The following ZNF521 variants were observed in gnomAD, a reference collection of about 807,000 sequenced individuals.
The protein encoded by ZNF521 is LYST-interacting protein 3.
Under a neutral mutation model 105.5 loss-of-function variants are expected in ZNF521, and 14 were observed. The observed-to-expected ratio is 0.13, with a 90% CI of 0.09 to 0.21. ZNF521 has a LOEUF of 0.21. Ranked by LOEUF, ZNF521 falls within the 10% of genes least tolerant of loss-of-function variation. The pLI is 1.00. For missense variants in ZNF521, 1,233 were observed against 1,629.7 expected (o/e 0.76, Z 4.19); for synonymous variants, 635 against 606.0 (o/e 1.05, Z -0.70).
chr18:25,351,954 G>A (rs1343345024), intron 1 of ZNF521, 51 bp downstream of exon 1: 6 of 336,086 alleles, frequency 1.8e-5, no homozygotes, highest in Non-Finnish European at 3.7e-5. Context: ...GGAGAGCCGG[G>A]AGCAGGAGGA....
At chr18:25,200,358 A>C (rs1261189932) in intron 4 of ZNF521, among the ~76,000 whole-genome samples, 1 of 150,530 alleles carries the variant, frequency 6.6e-6, no homozygotes. Flanking sequence ...CCTTTAGTCT[A>C]TTTCAAGATT....
intron 2 of ZNF521, among the ~76,000 whole-genome samples, chr18:25,349,834 G>T (rs1173782371): frequency 1.0e-4 from 15 of 150,022 alleles, no homozygotes; most frequent in Non-Finnish European, 2.1e-4. Context: ...CCTCCGGGTC[G>T]CGGGGGCCGC....
intron 2 of ZNF521, among the ~76,000 whole-genome samples, chr18:25,325,882 T>G (rs1913188605): frequency 6.6e-6 from 1 of 152,252 alleles, no homozygotes; most frequent in East Asian, 1.9e-4. Context: ...TCCCTGATTG[T>G]GTTCTCTGGC....
At chr18:25,299,918 C>T (rs1319376193) in intron 3 of ZNF521, among the ~76,000 whole-genome samples, 1 of 152,194 alleles carries the variant, frequency 6.6e-6, no homozygotes, top group Non-Finnish European at 1.5e-5. Flanking sequence ...CCACGTGCTC[C>T]TCTGCAGTGT....
intron 3 of ZNF521, among the ~76,000 whole-genome samples, chr18:25,252,293 AG>A (rs1250944648): frequency 1.3e-5 from 2 of 152,278 alleles, no homozygotes; most frequent in South Asian, 4.1e-4. Flanking sequence ...CCCAGTCTTT[AG>A]GGGGTTTGGG....
chr18:25,223,229 A>G (rs1018884842), intron 4 of ZNF521, among the ~76,000 whole-genome samples: 1 of 152,206 alleles, frequency 6.6e-6, no homozygotes, highest in African/African-American at 2.4e-5. Context: ...TAAATGAGAG[A>G]AAAGTGCAGA....
intron 5 of ZNF521, among the ~76,000 whole-genome samples, chr18:25,173,197 C>T (rs1380488773): frequency 6.6e-6 from 1 of 152,124 alleles, no homozygotes; most frequent in Non-Finnish European, 1.5e-5. Context: ...TTGATTTCTT[C>T]CAGGCCCAGG....
At chr18:25,238,094 C>T (rs1454768273) in intron 3 of ZNF521, among the ~76,000 whole-genome samples, 4 of 152,172 alleles carry the variant, frequency 2.6e-5, no homozygotes, top group Middle Eastern at 3.4e-3. Flanking sequence ...TCTCCAGTGC[C>T]GAGGCAAGCA....
At chr18:25,065,184 A>C (rs765537476) in intron 7 of ZNF521, among the ~76,000 whole-genome samples, 3 of 152,200 alleles carry the variant, frequency 2.0e-5, no homozygotes, top group Non-Finnish European at 4.4e-5. Flanking sequence ...TTTATTTTTA[A>C]AAAGTCCAAA....
At chr18:25,178,689 G>T (rs960163508) in intron 5 of ZNF521, among the ~76,000 whole-genome samples, 3 of 152,154 alleles carry the variant, frequency 2.0e-5, no homozygotes, top group African/African-American at 7.2e-5. Flanking sequence ...ATAATGGAAA[G>T]ATATAATGGA....
At chr18:25,245,796 C>T (rs1907666506) in intron 3 of ZNF521, among the ~76,000 whole-genome samples, 4 of 151,906 alleles carry the variant, frequency 2.6e-5, no homozygotes, top group South Asian at 2.1e-4. Flanking sequence ...GAGGATGGCT[C>T]GAGGCCTGGA....
chr18:25,116,991 A>G (rs556064337), intron 5 of ZNF521, among the ~76,000 whole-genome samples: 3 of 144,812 alleles, frequency 2.1e-5, no homozygotes, highest in South Asian at 4.3e-4. Flanking sequence ...ATATACACAC[A>G]CACATATATA....
At chr18:25,247,468 A>T (rs191026717) in intron 3 of ZNF521, among the ~76,000 whole-genome samples, 1 of 152,312 alleles carries the variant, frequency 6.6e-6, no homozygotes, top group East Asian at 1.9e-4. Flanking sequence ...TTGGCTGCAC[A>T]TTAAAACTGC....
intron 3 of ZNF521, among the ~76,000 whole-genome samples, chr18:25,306,022 T>A (rs1033070350): frequency 1.3e-5 from 2 of 152,254 alleles, no homozygotes; most frequent in African/African-American, 4.8e-5. Context: ...TCTAAGGACA[T>A]ACAACCAGCT....
At chr18:25,110,632 T>G (rs1363694476) in intron 5 of ZNF521, among the ~76,000 whole-genome samples, 1 of 151,948 alleles carries the variant, frequency 6.6e-6, no homozygotes, top group Non-Finnish European at 1.5e-5. Context: ...ACCATTCCTT[T>G]ACTTGTGACA....
At chr18:25,198,578 A>C (rs925652802) in intron 4 of ZNF521, among the ~76,000 whole-genome samples, 21 of 151,738 alleles carry the variant, frequency 1.4e-4, no homozygotes, top group African/African-American at 5.1e-4. Context: ...GAATAGATTA[A>C]AAAAAATCAG....
chr18:25,249,823 T>C (rs1197890191), intron 3 of ZNF521, among the ~76,000 whole-genome samples: 2 of 152,220 alleles, frequency 1.3e-5, no homozygotes, highest in African/African-American at 4.8e-5. Context: ...TGCCTAAAAT[T>C]TACTAAAATA....
intron 5 of ZNF521, among the ~76,000 whole-genome samples, chr18:25,133,133 T>A (rs2034671264): frequency 6.6e-6 from 1 of 152,198 alleles, no homozygotes; most frequent in South Asian, 2.1e-4. Flanking sequence ...CTTCATATAT[T>A]CCATTTCAAG....
chr18:25,310,526 C>A (rs568981093), intron 3 of ZNF521, among the ~76,000 whole-genome samples: 1 of 151,372 alleles, frequency 6.6e-6, no homozygotes, highest in South Asian at 2.1e-4. Context: ...ATATATTATA[C>A]ATGCAAAGAA....
Sources: allele counts gnomAD v4.1 joint callset (sites outside exome capture counted in the v4.1 genomes callset), GRCh38; gene constraint gnomAD v4.1.1; transcripts MANE v1.5; gene names NCBI Gene and HGNC (gene_info 2026-07-23, HGNC 2026-07-21).